The following E2F3 variants were observed in gnomAD, a reference collection of about 807,000 sequenced individuals.
E2F3 encodes transcription factor E2F3.
E2F3 carries 11 observed loss-of-function variants against 44.4 expected under a neutral mutation model. The ratio of observed to expected loss-of-function variants is 0.25; its 90% CI spans 0.16 to 0.41. E2F3 has a LOEUF of 0.41. Among genes scored for constraint, E2F3 ranks in the 10% least tolerant of loss-of-function variants. The pLI is 1.00. For missense variants in E2F3, 487 were observed against 583.6 expected (o/e 0.83, Z 1.70); for synonymous variants, 249 against 253.0 (o/e 0.98, Z 0.15).
chr6:20,464,941 C>T (rs764075333), intron 1 of E2F3, among the ~76,000 whole-genome samples: 1 of 152,168 alleles, frequency 6.6e-6, no homozygotes, highest in Non-Finnish European at 1.5e-5. Context: ...TCCTATAAAT[C>T]ATTTAGGTAA....
chr6:20,441,472 G>A (rs1480943851), intron 1 of E2F3, among the ~76,000 whole-genome samples: 1 of 152,210 alleles, frequency 6.6e-6, no homozygotes, highest in African/African-American at 2.4e-5. Context: ...GAACATGGAT[G>A]TATGAGAGTA....
At chr6:20,481,447 G>T (rs4134938) in intron 3 of E2F3, 22 bp downstream of exon 3, 3 of 1,610,472 alleles carry the variant, frequency 1.9e-6, no homozygotes, top group Non-Finnish European at 2.5e-6. Context: ...TCCTCCCCAT[G>T]CCCCGGCTCT....
chr6:20,403,566 A>T, intron 1 of E2F3: 1 of 443,718 alleles, frequency 2.3e-6, no homozygotes, highest in Non-Finnish European at 4.0e-6. Flanking sequence ...GTGACTGGGG[A>T]GGAGGCGGCG....
At chr6:20,431,050 T>C (rs768330968) in intron 1 of E2F3, among the ~76,000 whole-genome samples, 94 of 152,182 alleles carry the variant, frequency 6.2e-4, no homozygotes, top group Non-Finnish European at 1.1e-3. Flanking sequence ...AAGAATTAGA[T>C]TATCTTTGGA....
intron 1 of E2F3, among the ~76,000 whole-genome samples, chr6:20,439,593 G>A (rs575081412): frequency 3.9e-5 from 6 of 152,152 alleles, no homozygotes; most frequent in African/African-American, 1.4e-4. Flanking sequence ...ATACAGTGGC[G>A]TGATCATAGC....
intron 1 of E2F3, among the ~76,000 whole-genome samples, chr6:20,426,106 A>C (rs1269291805): frequency 2.0e-5 from 3 of 152,226 alleles, no homozygotes; most frequent in African/African-American, 7.2e-5. Context: ...TTAAATATCT[A>C]ATACAATAGT....
At chr6:20,429,031 T>G (rs895605932) in intron 1 of E2F3, among the ~76,000 whole-genome samples, 1 of 152,144 alleles carries the variant, frequency 6.6e-6, no homozygotes, top group Non-Finnish European at 1.5e-5. Context: ...TTTTCGTAAC[T>G]GGGAGTGGGA....
At chr6:20,471,453 A>G (rs1761887272) in intron 1 of E2F3, among the ~76,000 whole-genome samples, 1 of 152,124 alleles carries the variant, frequency 6.6e-6, no homozygotes, top group Non-Finnish European at 1.5e-5. Flanking sequence ...GTGGTGGTGC[A>G]CGCCTGTAAT....
At position 20,402,681 on chromosome 6, in the gene E2F3, C is replaced by A; in HGVS notation, c.393+56C>A. 1 of 1,284,988 alleles carries A rather than the reference C, an allele frequency of 7.8e-7. No individual in the cohort carries two copies. The highest frequency in any genetic ancestry group is 9.8e-7 in the Non-Finnish European group (1 of 1,019,912). 79.6% of individuals were successfully genotyped at this position (1,284,988 alleles called of 1,614,324 possible). Reference sequence around the variant, plus strand: ...CCCGGCGGGAGGTGGGCTCGCACCGCGCGGGGTCGTGGGCGCGCTGCGGGC... The same window carrying A: ...CCCGGCGGGAGGTGGGCTCGCACCGAGCGGGGTCGTGGGCGCGCTGCGGGC... On this transcript the variant is annotated intron_variant, in intron 1 of 6. Transcript: ENST00000346618. The surrounding 1 kb of genome is among the most constrained non-coding windows in gnomAD (Gnocchi z 5.6).
At chr6:20,468,192 GA>G (rs1334725290) in intron 1 of E2F3, among the ~76,000 whole-genome samples, 5 of 152,186 alleles carry the variant, frequency 3.3e-5, no homozygotes, top group African/African-American at 1.2e-4. Flanking sequence ...TCTACCCAGA[GA>G]AGTGTCACAT....
chr6:20,488,347 T>G (rs1169647884), intron 6 of E2F3, 99 bp downstream of exon 6: 4 of 1,357,016 alleles, frequency 2.9e-6, no homozygotes, highest in African/African-American at 1.5e-5. Context: ...AAACACAAAC[T>G]TCTATTGGTA....
intron 1 of E2F3, among the ~76,000 whole-genome samples, chr6:20,444,856 G>T (rs540974593): frequency 6.6e-6 from 1 of 152,364 alleles, no homozygotes; most frequent in Admixed American, 6.5e-5. Context: ...TCATGAATGG[G>T]TGTGGTAGGA....
intron 1 of E2F3, among the ~76,000 whole-genome samples, chr6:20,476,677 C>T (rs1384437597): frequency 6.6e-6 from 1 of 152,230 alleles, no homozygotes; most frequent in Non-Finnish European, 1.5e-5. Context: ...GCCATTCAAC[C>T]TGTTCGCGGT....
chr6:20,456,133 A>G (rs1264901875), intron 1 of E2F3, among the ~76,000 whole-genome samples: 1 of 152,152 alleles, frequency 6.6e-6, no homozygotes, highest in Non-Finnish European at 1.5e-5. Flanking sequence ...TGGTCAGAGT[A>G]AATGAACAAA....
chr6:20,416,033 G>A (rs543903165), intron 1 of E2F3, among the ~76,000 whole-genome samples: 8 of 152,060 alleles, frequency 5.3e-5, no homozygotes, highest in Non-Finnish European at 8.8e-5. Context: ...CCATTTCCTC[G>A]TCTGTTAAAT....
chr6:20,475,602 A>G (rs1484511753), intron 1 of E2F3, among the ~76,000 whole-genome samples: 1 of 152,166 alleles, frequency 6.6e-6, no homozygotes, highest in Non-Finnish European at 1.5e-5. Context: ...CCCAGGTTCA[A>G]GCAATTCTCA....
intron 1 of E2F3, among the ~76,000 whole-genome samples, chr6:20,475,244 CG>C (rs1358440465): frequency 1.3e-5 from 2 of 152,212 alleles, no homozygotes; most frequent in Admixed American, 6.5e-5. Flanking sequence ...TGCTTAGTAA[CG>C]AGAGTTACAC....
At chr6:20,422,952 G>C (rs1226067898) in intron 1 of E2F3, among the ~76,000 whole-genome samples, 1 of 152,192 alleles carries the variant, frequency 6.6e-6, no homozygotes, top group Admixed American at 6.5e-5. Context: ...TTGGAAAAAT[G>C]GTGCTGATAG....
chr6:20,406,708 T>A (rs11964966), intron 1 of E2F3, among the ~76,000 whole-genome samples: 2,877 of 152,274 alleles, frequency 0.019, 89 homozygotes, highest in African/African-American at 0.065. Flanking sequence ...TTTGCCTGAG[T>A]TCCACTCCGT....
Sources: allele counts gnomAD v4.1 joint callset (sites outside exome capture counted in the v4.1 genomes callset), GRCh38; gene constraint gnomAD v4.1.1; non-coding constraint Gnocchi (gnomAD v3.1); transcripts MANE v1.5; gene names NCBI Gene and HGNC (gene_info 2026-07-23, HGNC 2026-07-21).